SHANK2: variants seen among roughly 807,000 people sequenced by gnomAD.
SHANK2 encodes SH3 and multiple ankyrin repeat domains protein 2.
In SHANK2, 43 loss-of-function variants were observed where a neutral mutation model predicts 133.7. That is an observed-to-expected ratio of 0.32 (90% CI 0.25 to 0.41). SHANK2 has a LOEUF of 0.41. Ranked by LOEUF, SHANK2 falls within the 10% of genes least tolerant of loss-of-function variation. SHANK2 has a pLI of 1.00. For synonymous variants in SHANK2, 1,017 were observed against 952.8 expected (o/e 1.07, Z -1.24); for missense variants, 1,994 against 2,235.8 (o/e 0.89, Z 2.18).
At chr11:70,590,769 C>G (rs1221531176) in intron 17 of SHANK2, among the ~76,000 whole-genome samples, 1 of 139,648 alleles carries the variant, frequency 7.2e-6, no homozygotes, top group African/African-American at 2.6e-5. Flanking sequence ...ACTGGGAAAC[C>G]AAAAAAAAAA....
chr11:70,725,147 G>C (rs186043952), intron 14 of SHANK2, among the ~76,000 whole-genome samples: 2 of 152,158 alleles, frequency 1.3e-5, no homozygotes, highest in African/African-American at 4.8e-5. Flanking sequence ...TATCTTTAGC[G>C]TAAATAACAT....
At chr11:71,200,955 C>T (rs1257293160) in intron 2 of SHANK2, among the ~76,000 whole-genome samples, 1 of 151,998 alleles carries the variant, frequency 6.6e-6, no homozygotes, top group African/African-American at 2.4e-5. Flanking sequence ...GTGGTGCATT[C>T]AACCAATATT....
Position 70,516,909 on chromosome 11 carries a change from A to AT in SHANK2, c.2062-13979dup, listed in dbSNP as rs2059273155. Among the ~76,000 whole-genome samples, 5 of 152,204 alleles carry AT rather than the reference A, an allele frequency of 3.3e-5. No individual in the cohort carries two copies. The South Asian group carries it at 1.0e-3, about 32-fold the overall frequency. ...CCAACATGGTGAAACCCCGTCTCTT[A>AT]TAAAAGTACAAAAATCAGCCGGGCA... On this transcript the variant is annotated intron_variant, in intron 17 of 25. Transcript: ENST00000601538.
intron 6 of SHANK2, among the ~76,000 whole-genome samples, chr11:71,105,204 T>C (rs1951783885): frequency 6.6e-6 from 1 of 152,202 alleles, no homozygotes; most frequent in Non-Finnish European, 1.5e-5. Flanking sequence ...CCGCACGTGC[T>C]GCCATGTGAA....
chr11:71,100,900 G>A (rs893611746), intron 6 of SHANK2, among the ~76,000 whole-genome samples: 1 of 151,760 alleles, frequency 6.6e-6, no homozygotes, highest in Non-Finnish European at 1.5e-5. Flanking sequence ...GGTTATGAGG[G>A]GTTAGAGGGC....
intron 17 of SHANK2, chr11:70,603,182 C>T (rs1053558376): frequency 7.2e-5 from 11 of 152,344 alleles, no homozygotes; most frequent in African/African-American, 2.2e-4. Flanking sequence ...CCAGCACCTC[C>T]GTGATGCTTC....
intron 14 of SHANK2, among the ~76,000 whole-genome samples, chr11:70,755,785 A>T (rs998199064): frequency 6.6e-5 from 10 of 152,226 alleles, no homozygotes; most frequent in African/African-American, 2.4e-4. Flanking sequence ...ACACCGCGCC[A>T]GCAGATTCCT....
chr11:71,109,856 G>A (rs938526819), intron 6 of SHANK2, 85 bp downstream of exon 6: 65 of 803,912 alleles, frequency 8.1e-5, no homozygotes, highest in Middle Eastern at 2.9e-4. Context: ...TAACTGCAGC[G>A]TTATTCACAG....
intron 10 of SHANK2, among the ~76,000 whole-genome samples, chr11:70,954,314 C>T (rs923259502): frequency 5.9e-5 from 9 of 152,344 alleles, no homozygotes; most frequent in Middle Eastern, 3.4e-3. Context: ...ATATCACCCA[C>T]GGTGTCAGGC....
intron 17 of SHANK2, among the ~76,000 whole-genome samples, chr11:70,649,239 T>C (rs1591703747): frequency 1.3e-5 from 2 of 152,132 alleles, no homozygotes; most frequent in South Asian, 4.1e-4. Flanking sequence ...GGTCCTGCCA[T>C]GGAGACTGAA....
At chr11:70,603,830 G>C (rs923889389) in intron 17 of SHANK2, 1 of 152,852 alleles carries the variant, frequency 6.5e-6, no homozygotes, top group South Asian at 2.1e-4. Flanking sequence ...CCCCTGCCCA[G>C]GGGACAGGCA....
intron 14 of SHANK2, among the ~76,000 whole-genome samples, chr11:70,756,892 G>C (rs1397808024): frequency 6.7e-6 from 1 of 149,170 alleles, no homozygotes; most frequent in Non-Finnish European, 1.5e-5. Context: ...AAAGAGAACG[G>C]ATACATAGAG....
At chr11:70,797,091 G>C (rs1211135824) in intron 14 of SHANK2, among the ~76,000 whole-genome samples, 1 of 152,114 alleles carries the variant, frequency 6.6e-6, no homozygotes, top group African/African-American at 2.4e-5. Context: ...CAGCCCTCGG[G>C]AGCTGATAAA....
At chr11:70,937,284 C>A (rs910826389) in intron 10 of SHANK2, among the ~76,000 whole-genome samples, 2 of 152,166 alleles carry the variant, frequency 1.3e-5, no homozygotes, top group Admixed American at 6.5e-5. Context: ...GTGACGGGAG[C>A]ACAGAAATCT....
At chr11:70,782,287 C>G (rs1555045345) in intron 14 of SHANK2, among the ~76,000 whole-genome samples, 1 of 152,226 alleles carries the variant, frequency 6.6e-6, no homozygotes, top group Non-Finnish European at 1.5e-5. Flanking sequence ...AAATTCCTGA[C>G]CCCAGGTGAT....
chr11:70,909,548 T>C (rs1555078581), intron 10 of SHANK2, among the ~76,000 whole-genome samples: 1 of 152,106 alleles, frequency 6.6e-6, no homozygotes, highest in Non-Finnish European at 1.5e-5. Context: ...AGTAGAGCTG[T>C]CGTGATCCTT....
intron 11 of SHANK2, among the ~76,000 whole-genome samples, chr11:70,884,751 G>A (rs557381505): frequency 1.2e-4 from 18 of 152,222 alleles, no homozygotes; most frequent in African/African-American, 2.9e-4. Context: ...ACGAAGTCTC[G>A]TTCTTGTTGC....
intron 14 of SHANK2, among the ~76,000 whole-genome samples, chr11:70,735,045 A>G (rs1946373060): frequency 6.6e-6 from 1 of 152,142 alleles, no homozygotes; most frequent in African/African-American, 2.4e-5. Context: ...GTCTGGGCTC[A>G]GGGGCGAAGG....
chr11:71,170,793 T>C (rs1953298514), intron 2 of SHANK2, among the ~76,000 whole-genome samples: 1 of 152,200 alleles, frequency 6.6e-6, no homozygotes, highest in South Asian at 2.1e-4. Context: ...GAAGCAGCTA[T>C]TTCTCCCAGG....
Sources: gnomAD v4.1 joint callset for allele counts (sites outside exome capture counted in the v4.1 genomes callset) on GRCh38, gnomAD v4.1.1 for gene constraint, MANE v1.5 for transcripts, NCBI Gene and HGNC (gene_info 2026-07-23, HGNC 2026-07-21) for gene names.